AGBL4: variants seen among roughly 807,000 people sequenced by gnomAD.
The protein encoded by AGBL4 is cytosolic carboxypeptidase 6.
A neutral mutation model predicts 66.4 loss-of-function variants in AGBL4; 58 were observed. The observed-to-expected ratio is 0.87, with a 90% CI of 0.71 to 1.09. The LOEUF (loss-of-function observed/expected upper bound fraction) is 1.09, where lower values mean the gene tolerates loss of function less well. AGBL4 is among the 50% of genes least tolerant of loss of function. The pLI, the probability that AGBL4 is intolerant of heterozygous loss-of-function variation, is 0.00. For missense variants in AGBL4, 579 were observed against 631.0 expected, an observed-to-expected ratio of 0.92 and a Z score of 0.88; for synonymous variants, 234 against 222.9, an observed-to-expected ratio of 1.05 and a Z score of -0.44.
chr1:49,786,183 G>A (rs1644451197), intron 2 of AGBL4, among the ~76,000 whole-genome samples: 1 of 152,034 alleles, frequency 6.6e-6, no homozygotes, highest in South Asian at 2.1e-4. Flanking sequence ...GCTACCATCT[G>A]AAGCTAACCT....
At position 49,696,452 on chromosome 1, in the gene AGBL4, C is replaced by T. The variant is rs539550982; in HGVS notation, c.282+861G>A. 5.3e-5 allele frequency among the ~76,000 whole-genome samples: 8 copies of T among 152,018 alleles called. No individual in the cohort carries two copies. In the South Asian group the frequency reaches 1.0e-3, roughly 20 times the overall value. On this transcript the variant is annotated intron_variant, in intron 3 of 13. Coordinates refer to ENST00000371839, the MANE Select transcript of AGBL4 (RefSeq NM_032785.4). ...AGTTGAGAATCCCTCATCTGGAAAT[C>T]GAAAATCTAAAATGCTCCAAAATCC...
chr1:48,797,127 G>C (rs1166008544), intron 6 of AGBL4, among the ~76,000 whole-genome samples: 7 of 152,194 alleles, frequency 4.6e-5, no homozygotes, highest in Non-Finnish European at 8.8e-5. Context: ...ACTGAATATA[G>C]TAGTAAAATG....
intron 4 of AGBL4, among the ~76,000 whole-genome samples, 183 bp from the exon 5 acceptor site, chr1:49,045,983 G>T (rs1644069901): frequency 6.6e-6 from 1 of 152,136 alleles, no homozygotes; most frequent in African/African-American, 2.4e-5. Flanking sequence ...GCAGCTCTTT[G>T]CTCACAATCC....
chr1:49,053,031 G>A (rs1644247757), intron 4 of AGBL4, among the ~76,000 whole-genome samples: 1 of 152,160 alleles, frequency 6.6e-6, no homozygotes, highest in Non-Finnish European at 1.5e-5. Flanking sequence ...TTGTTGTGAA[G>A]TTTGGAGATT....
At chr1:49,424,270 TAG>T (rs1386283391) in intron 3 of AGBL4, among the ~76,000 whole-genome samples, 1 of 152,158 alleles carries the variant, frequency 6.6e-6, no homozygotes, top group Non-Finnish European at 1.5e-5. Context: ...AACAGTTAAA[TAG>T]AGCCAAATTC....
At chr1:49,471,383 TTC>T (rs1646740922) in intron 3 of AGBL4, among the ~76,000 whole-genome samples, 1 of 152,006 alleles carries the variant, frequency 6.6e-6, no homozygotes, top group Non-Finnish European at 1.5e-5. Flanking sequence ...CAGTCTTAAC[TTC>T]TCAAATATTC....
chr1:48,712,326 G>A (rs1646980725), intron 6 of AGBL4, among the ~76,000 whole-genome samples: 1 of 152,178 alleles, frequency 6.6e-6, no homozygotes, highest in Non-Finnish European at 1.5e-5. Context: ...GAGGGAGACA[G>A]GCTCTTCAGG....
chr1:48,772,564 T>C (rs1178581299), intron 6 of AGBL4, among the ~76,000 whole-genome samples: 2 of 151,978 alleles, frequency 1.3e-5, no homozygotes, highest in Non-Finnish European at 2.9e-5. Context: ...AGAAGTAAGG[T>C]GGGGCTGGGA....
intron 3 of AGBL4, among the ~76,000 whole-genome samples, chr1:49,345,037 T>A (rs970065803): frequency 2.6e-5 from 4 of 152,216 alleles, no homozygotes; most frequent in Non-Finnish European, 5.9e-5. Context: ...TCAAATTAAG[T>A]CTTTTTCTGA....
intron 1 of AGBL4, among the ~76,000 whole-genome samples, chr1:49,937,316 A>G (rs1385157825): frequency 6.6e-6 from 1 of 152,134 alleles, no homozygotes; most frequent in Non-Finnish European, 1.5e-5. Flanking sequence ...TGCACCCAAT[A>G]CAGGAGCACC....
intron 4 of AGBL4, among the ~76,000 whole-genome samples, chr1:49,092,498 T>C (rs1452038102): frequency 4.6e-5 from 7 of 152,172 alleles, no homozygotes; most frequent in Admixed American, 4.6e-4. Context: ...AATTTATTCC[T>C]TGAGGCTCAT....
chr1:49,285,799 C>T (rs1353365072), intron 3 of AGBL4, among the ~76,000 whole-genome samples: 2 of 151,980 alleles, frequency 1.3e-5, no homozygotes, highest in Admixed American at 6.6e-5. Context: ...TCCACACATA[C>T]ACTCTCCCTC....
intron 3 of AGBL4, among the ~76,000 whole-genome samples, chr1:49,548,922 A>T (rs911336984): frequency 4.4e-4 from 67 of 151,904 alleles, no homozygotes; most frequent in African/African-American, 1.6e-3. Flanking sequence ...TTTTTTTGTT[A>T]GTAATTTTTT....
chr1:49,580,347 T>G (rs567854140), intron 3 of AGBL4, among the ~76,000 whole-genome samples: 96 of 152,344 alleles, frequency 6.3e-4, no homozygotes, highest in African/African-American at 2.3e-3. Flanking sequence ...GTTGTGCTAC[T>G]GTAATGTTGT....
chr1:50,014,169 G>A (rs755884732), intron 1 of AGBL4, among the ~76,000 whole-genome samples: 7 of 151,944 alleles, frequency 4.6e-5, no homozygotes, highest in Non-Finnish European at 7.4e-5. Context: ...TCAAGAGATC[G>A]AGACCATCAT....
intron 1 of AGBL4, among the ~76,000 whole-genome samples, chr1:50,018,500 T>C (rs1662161308): frequency 6.6e-6 from 1 of 152,104 alleles, no homozygotes; most frequent in Non-Finnish European, 1.5e-5. Flanking sequence ...TAATACTCCA[T>C]TGCTGAAATT....
At chr1:48,998,103 G>A (rs949270522) in intron 5 of AGBL4, among the ~76,000 whole-genome samples, 2 of 152,036 alleles carry the variant, frequency 1.3e-5, no homozygotes, top group Non-Finnish European at 2.9e-5. Flanking sequence ...CATCTTTATT[G>A]GCATTTTAAA....
At chr1:48,697,026 C>G (rs559344975) in intron 6 of AGBL4, among the ~76,000 whole-genome samples, 2 of 152,270 alleles carry the variant, frequency 1.3e-5, no homozygotes, top group Admixed American at 1.3e-4. Flanking sequence ...CCAGGCCTCC[C>G]TCCCTAGACT....
intron 2 of AGBL4, among the ~76,000 whole-genome samples, chr1:49,706,933 T>C (rs1647252168): frequency 1.3e-5 from 2 of 152,210 alleles, no homozygotes; most frequent in East Asian, 1.9e-4. Flanking sequence ...TTCTGTTCTT[T>C]TGCATTTGCT....
Sources: gnomAD v4.1 joint callset for allele counts (sites outside exome capture counted in the v4.1 genomes callset) on GRCh38, gnomAD v4.1.1 for gene constraint, MANE v1.5 for transcripts, NCBI Gene and HGNC (gene_info 2026-07-23, HGNC 2026-07-21) for gene names.